Variants in SLC24A3 observed in about 807,000 individuals in gnomAD.
SLC24A3 encodes the protein solute carrier family 24 member 3.
SLC24A3 carries 28 observed loss-of-function variants against 75.8 expected under a neutral mutation model. The observed-to-expected ratio is 0.37, with a 90% CI of 0.27 to 0.51. The LOEUF (loss-of-function observed/expected upper bound fraction) is 0.51, where lower values mean the gene tolerates loss of function less well. Among genes scored for constraint, SLC24A3 ranks in the 20% least tolerant of loss-of-function variants. The probability of loss-of-function intolerance (pLI) is 0.94; values close to 1 mark genes in which losing one functional copy is unlikely to be tolerated. For missense variants in SLC24A3, 663 were observed against 847.8 expected, an observed-to-expected ratio of 0.78 and a Z score of 2.71; for synonymous variants, 372 against 334.1, an observed-to-expected ratio of 1.11 and a Z score of -1.24.
chr20:19,720,877 T>C (rs1036144647), intron 16 of SLC24A3, 114 bp from the exon 17 acceptor site: 9 of 1,205,904 alleles, frequency 7.5e-6, no homozygotes, highest in African/African-American at 1.5e-5. Context: ...ATCAGCACCC[T>C]GCCCGAGGCC....
intron 14 of SLC24A3, 64 bp from the exon 15 acceptor site, chr20:19,698,504 G>C: frequency 8.5e-7 from 1 of 1,177,572 alleles, no homozygotes; most frequent in East Asian, 2.6e-5. Context: ...TAAAGGCTTG[G>C]GAGAGTCCTG....
intron 2 of SLC24A3, among the ~76,000 whole-genome samples, chr20:19,333,069 G>T (rs2076566213): frequency 6.6e-6 from 1 of 152,184 alleles, no homozygotes; most frequent in Admixed American, 6.5e-5. Context: ...AACTGGGAGG[G>T]CCAGGGAAGT....
intron 2 of SLC24A3, among the ~76,000 whole-genome samples, chr20:19,392,007 C>A (rs1432835518): frequency 6.6e-6 from 1 of 152,164 alleles, no homozygotes; most frequent in East Asian, 1.9e-4. Context: ...TGTCCATCTT[C>A]CTTTCAGAAA....
At chr20:19,615,623 A>G (rs2084664875) in intron 6 of SLC24A3, among the ~76,000 whole-genome samples, 1 of 152,230 alleles carries the variant, frequency 6.6e-6, no homozygotes, top group Non-Finnish European at 1.5e-5. Flanking sequence ...ATGCTAAACC[A>G]TTCATGAGAA....
At chr20:19,678,346 C>G (rs1474781335) in intron 9 of SLC24A3, among the ~76,000 whole-genome samples, 2 of 127,876 alleles carry the variant, frequency 1.6e-5, no homozygotes, top group East Asian at 2.2e-4. Flanking sequence ...GCTGACCCCC[C>G]CCACCTCCCT....
intron 2 of SLC24A3, among the ~76,000 whole-genome samples, chr20:19,483,884 G>A (rs1024581164): frequency 6.6e-6 from 1 of 152,194 alleles, no homozygotes; most frequent in Non-Finnish European, 1.5e-5. Context: ...CCATGAAAGA[G>A]ACTTCCAGGA....
intron 9 of SLC24A3, among the ~76,000 whole-genome samples, chr20:19,679,330 G>A (rs992803816): frequency 1.3e-5 from 2 of 152,340 alleles, no homozygotes; most frequent in East Asian, 1.9e-4. Context: ...GCGAAACCCC[G>A]TCTCCACCAA....
chr20:19,649,263 T>C (rs147040267), intron 6 of SLC24A3, among the ~76,000 whole-genome samples: 1 of 152,174 alleles, frequency 6.6e-6, no homozygotes, highest in African/African-American at 2.4e-5. Flanking sequence ...TAGAGATAAG[T>C]GATCCTTCAC....
At chr20:19,564,856 A>C (rs1172627292) in intron 3 of SLC24A3, among the ~76,000 whole-genome samples, 2 of 152,160 alleles carry the variant, frequency 1.3e-5, no homozygotes, top group Non-Finnish European at 2.9e-5. Flanking sequence ...AGATAATCCT[A>C]CCATATTATC....
intron 8 of SLC24A3, among the ~76,000 whole-genome samples, chr20:19,671,984 G>T (rs1252255383): frequency 6.6e-6 from 1 of 152,144 alleles, no homozygotes; most frequent in Admixed American, 6.5e-5. Context: ...TCGGCAGTCA[G>T]AAGAGAGGGT....
Position 19,484,373 on chromosome 20 carries a change from G to A in SLC24A3, c.272-31115G>A, listed in dbSNP as rs1256140000. Among the ~76,000 whole-genome samples, 4 of 152,238 alleles carry A rather than the reference G, an allele frequency of 2.6e-5. No individual in the cohort carries two copies. The East Asian group carries it at 7.7e-4, about 29-fold the overall frequency. ...ATTTTGACTGCGACCTGTCACATGA[G>A]GTCAGGTGTGAGATTTTCTACTTGT... On this transcript the variant is annotated intron_variant, in intron 2 of 16. Coordinates refer to ENST00000328041, the MANE Select transcript of SLC24A3 (RefSeq NM_020689.4).
At chr20:19,541,532 G>A (rs758506080) in intron 3 of SLC24A3, among the ~76,000 whole-genome samples, 4 of 152,204 alleles carry the variant, frequency 2.6e-5, no homozygotes, top group Non-Finnish European at 5.9e-5. Flanking sequence ...TGTAGTCTAA[G>A]GATGTGGGGC....
At chr20:19,243,590 T>G (rs557971217) in intron 1 of SLC24A3, among the ~76,000 whole-genome samples, 168 of 152,338 alleles carry the variant, frequency 1.1e-3, no homozygotes, top group African/African-American at 4.0e-3. Context: ...ATGGCAGAAT[T>G]GAACTTGCAA....
chr20:19,492,666 A>G (rs1211661236), intron 2 of SLC24A3, among the ~76,000 whole-genome samples: 1 of 152,212 alleles, frequency 6.6e-6, no homozygotes, highest in Non-Finnish European at 1.5e-5. Flanking sequence ...TCCCTGGAGA[A>G]TTATTATTTC....
intron 2 of SLC24A3, among the ~76,000 whole-genome samples, chr20:19,402,989 A>G (rs866930428): frequency 6.6e-6 from 1 of 152,212 alleles, no homozygotes; most frequent in African/African-American, 2.4e-5. Context: ...TTAACTTTTA[A>G]TCACTGTAAT....
chr20:19,256,577 T>C (rs914567868), intron 1 of SLC24A3, among the ~76,000 whole-genome samples: 1 of 152,048 alleles, frequency 6.6e-6, no homozygotes, highest in Admixed American at 6.6e-5. Flanking sequence ...AACACCAGCC[T>C]GGGCAACATG....
chr20:19,389,141 GT>G (rs1986324812), intron 2 of SLC24A3, among the ~76,000 whole-genome samples: 1 of 151,714 alleles, frequency 6.6e-6, no homozygotes, highest in Non-Finnish European at 1.5e-5. Flanking sequence ...CCCAAACTTT[GT>G]GTTATTAATG....
At chr20:19,294,063 C>T (rs1358845353) in intron 2 of SLC24A3, among the ~76,000 whole-genome samples, 5 of 149,764 alleles carry the variant, frequency 3.3e-5, no homozygotes, top group Non-Finnish European at 7.4e-5. Flanking sequence ...ATACCTAATA[C>T]AATGCCTATA....
chr20:19,502,731 TAAAAAA>T (rs1440970731), intron 2 of SLC24A3, among the ~76,000 whole-genome samples: 1 of 151,216 alleles, frequency 6.6e-6, no homozygotes, highest in South Asian at 2.1e-4. Flanking sequence ...AAATATATAA[TAAAAAA>T]AATTAATAGA....
Sources: allele counts gnomAD v4.1 joint callset (sites outside exome capture counted in the v4.1 genomes callset), GRCh38; gene constraint gnomAD v4.1.1; transcripts MANE v1.5; gene names NCBI Gene and HGNC (gene_info 2026-07-23, HGNC 2026-07-21).